BCS1L: variants seen among roughly 807,000 people sequenced by gnomAD.
BCS1L encodes mitochondrial chaperone BCS1.
Under a neutral mutation model 49.3 loss-of-function variants are expected in BCS1L, and 38 were observed. The observed-to-expected ratio is 0.77, with a 90% CI of 0.59 to 1.01. The LOEUF (loss-of-function observed/expected upper bound fraction) is 1.01. Among genes scored for constraint, BCS1L ranks in the 50% least tolerant of loss-of-function variants. BCS1L has a pLI of 0.00. For synonymous variants in BCS1L, 193 were observed against 210.1 expected (o/e 0.92, Z 0.70); for missense variants, 394 against 540.2 (o/e 0.73, Z 2.68).
At chr2:218,660,867 C>T in intron 1 of BCS1L, 72 bp from the exon 2 acceptor site, 1 of 1,116,564 alleles carries the variant, frequency 9.0e-7, no homozygotes, top group Non-Finnish European at 1.3e-6. Flanking sequence ...TAATGCTGAC[C>T]TGTGGCCAGG....
Position 218,663,295 on chromosome 2 carries a change from A to G in BCS1L, c.1169A>G (p.Gln390Arg). The change falls in exon 8 of 8, where the codon CAG (glutamine) becomes CGG (arginine). Residue 390 changes from glutamine (Q) to arginine (R), a missense_variant. Coordinates refer to ENST00000359273, the MANE Select transcript of BCS1L (RefSeq NM_001079866.2). ...FAEHVLRATN[Q>R]ISPAQVQGYF... ...GAACATGTCCTTCGAGCTACAAACC[A>G]GATCAGTCCTGCCCAGGTGCAGGGC... The G allele has an allele frequency of 6.2e-7, 1 of 1,614,240 alleles. No individual in the cohort carries two copies. The highest frequency in any genetic ancestry group is 8.5e-7 in the Non-Finnish European group (1 of 1,180,040).
rs1395368389 is a variant in BCS1L, at chr2:218,661,847, C to G, written c.549C>G (p.Arg183=). Residue 183 remains arginine, a synonymous_variant, in exon 4 of 8, where the codon CGC becomes CGG. Transcript: ENST00000359273. This position sits in a 1 kb window ranked among gnomAD's most constrained non-coding sequence, Gnocchi z 5.9. ...GSEWRPFGYP[R]RRRPLNSVVL... ...AATGGCGTCCCTTTGGCTATCCACG[C>G]CGCCGGCGACCACTGAATTCTGTGG... 6.2e-7 allele frequency: 1 copy of G among 1,614,094 alleles called. No individual in the cohort carries two copies. The highest frequency in any genetic ancestry group is 8.5e-7 in the Non-Finnish European group (1 of 1,180,044).
chr2:218,662,574 T>C lies in BCS1L; in HGVS notation c.784T>C (p.Ser262Pro). The change falls in exon 6 of 8, where the codon TCT (serine) becomes CCT (proline). Residue 262 changes from serine (S) to proline (P), a missense_variant. Ser to Pro is a moderately conservative substitution (Grantham distance 74). Coordinates refer to ENST00000359273, the MANE Select transcript of BCS1L (RefSeq NM_001079866.2). The surrounding 1 kb of genome is among the most constrained non-coding windows in gnomAD (Gnocchi z 5.8). ...GCTGAGCCTCACGGACTCCAGCCTC[T>C]CTGATGACCGACTCAACCACCTGCT... ...CLLSLTDSSLSDDRLNHLLSV... is the reference protein window; with the variant it reads ...CLLSLTDSSLPDDRLNHLLSV... 1.9e-6 allele frequency: 3 copies of C among 1,614,208 alleles called. No homozygotes were observed. Among genetic ancestry groups the C allele is most frequent in the Non-Finnish European group, 2.5e-6 (3 of 1,180,052 alleles).
At position 218,660,945 on chromosome 2, in the gene BCS1L, G is replaced by GT. The variant is rs1939317381; in HGVS notation, c.-42dup. 8.1e-6 allele frequency: 13 copies of GT among 1,606,682 alleles called. No homozygotes were observed. The highest frequency in any genetic ancestry group is 1.3e-5 in the African/African-American group (1 of 74,914). On this transcript the variant is annotated 5_prime_UTR_variant, in exon 2 of 8. Transcript: ENST00000359273. Reference sequence around the variant, plus strand: ...CACTGTTCCCCACCCCTAGGTTTTCGTAACACCCCAGGGCCTGTAAGGTTT... The same window carrying GT: ...CACTGTTCCCCACCCCTAGGTTTTCGTTAACACCCCAGGGCCTGTAAGGTTT...
chr2:218,662,933 A>C lies in BCS1L; in HGVS notation c.940A>C (p.Asn314His), dbSNP rs752921674. 6.2e-7 allele frequency: 1 copy of C among 1,614,076 alleles called. No individual in the cohort carries two copies. Among genetic ancestry groups the C allele is most frequent in the Non-Finnish European group, 8.5e-7 (1 of 1,180,010 alleles). ...TCGCCTCACCTTCAGTGGACTGCTCAATGCCTTGGATGGTGTGGCTTCCAC... is the reference window on the plus strand; with the variant it reads ...TCGCCTCACCTTCAGTGGACTGCTCCATGCCTTGGATGGTGTGGCTTCCAC... The part of the protein sequence containing the change: ...LGRLTFSGLL[N>H]ALDGVASTEA... The change falls in exon 7 of 8, where the codon AAT becomes CAT. Residue 314 changes from asparagine (N) to histidine (H), a missense_variant. Physicochemically the swap from Asn to His is moderately conservative, Grantham distance 68. Transcript: ENST00000359273. The surrounding 1 kb of genome is among the most constrained non-coding windows in gnomAD (Gnocchi z 5.8).
Position 218,662,605 on chromosome 2 carries a change from TG to T in BCS1L, c.817del (p.Ala273ProfsTer27). 6.2e-7 allele frequency: 1 copy of T among 1,614,182 alleles called. No individual in the cohort carries two copies. The highest frequency in any genetic ancestry group is 8.5e-7 in the Non-Finnish European group (1 of 1,180,028). Reference protein sequence around the residue: ...SDDRLNHLLSVAPQQSLVLLE... With the variant: ...SDDRLNHLLSXAPQQSLVLLE... ...GACCGACTCAACCACCTGCTGAGCG[TG>T]GCCCCGCAGCAGAGCCTGGTACTCC... is the stretch of plus-strand genomic sequence containing the variant. On this transcript the variant is annotated frameshift_variant, in exon 6 of 8. Transcript: ENST00000359273. LOFTEE classifies it high-confidence loss of function. The surrounding 1 kb of genome is among the most constrained non-coding windows in gnomAD (Gnocchi z 5.8).
Position 218,661,605 on chromosome 2 carries a change from C to G in BCS1L, c.460+60C>G. 1 of 1,606,134 alleles carries G rather than the reference C, an allele frequency of 6.2e-7. No individual in the cohort carries two copies. The highest frequency in any genetic ancestry group is 8.5e-7 in the Non-Finnish European group (1 of 1,176,292). On this transcript the variant is annotated intron_variant, in intron 3 of 7. Coordinates refer to ENST00000359273, the MANE Select transcript of BCS1L (RefSeq NM_001079866.2). The surrounding 1 kb of genome is among the most constrained non-coding windows in gnomAD (Gnocchi z 5.9). ...TTGCAGGGATGGGGACATTTGACATCAGATGAGCAGTTTGGAGAAGTGGAA... is the reference window on the plus strand; with the variant it reads ...TTGCAGGGATGGGGACATTTGACATGAGATGAGCAGTTTGGAGAAGTGGAA...
At position 218,663,443 on chromosome 2, in the gene BCS1L, A is replaced by G. The variant is rs1939709665; in HGVS notation, c.*57A>G. 6.2e-6 allele frequency: 10 copies of G among 1,607,722 alleles called. No homozygotes were observed. The highest frequency in any genetic ancestry group is 1.7e-5 in the Admixed American group (1 of 59,914). On this transcript the variant is annotated 3_prime_UTR_variant, in exon 8 of 8. Coordinates refer to ENST00000359273, the MANE Select transcript of BCS1L (RefSeq NM_001079866.2). ...TAGCTCAATAAACATCTGCCACACT[A>G]CTCTGCTCTCTCATCTCCCTTCATC... is the stretch of plus-strand genomic sequence containing the variant.
Position 218,662,388 on chromosome 2 carries a change from T to G in BCS1L, c.720-122T>G. 6.7e-7 allele frequency: 1 copy of G among 1,488,968 alleles called. No homozygotes were observed. Among genetic ancestry groups the G allele is most frequent in the South Asian group, 1.1e-5 (1 of 88,264 alleles). The allele number at this position is 1,488,968 out of a possible 1,614,324, so 92.2% of individuals were successfully genotyped here. On this transcript the variant is annotated intron_variant, in intron 5 of 7. Coordinates refer to ENST00000359273, the MANE Select transcript of BCS1L (RefSeq NM_001079866.2). This position sits in a 1 kb window ranked among gnomAD's most constrained non-coding sequence, Gnocchi z 5.8. ...GGATAAACATGAAACGTGTGGAACA[T>G]CAGGGTGTGAGGTAGAAGTCAGGCC...
rs1327548801 is a variant in BCS1L, at chr2:218,663,320, C to CTG, written c.1195_1196insGT (p.Tyr399CysfsTer11). On this transcript the variant is annotated frameshift_variant, in exon 8 of 8. Transcript: ENST00000359273. LOFTEE classifies it high-confidence loss of function. ...AGATCAGTCCTGCCCAGGTGCAGGG[C>CTG]TACTTCATGCTGTATAAAAATGACC... is the stretch of plus-strand genomic sequence containing the variant. The CTG allele has an allele frequency of 1.2e-6, 2 of 1,614,044 alleles. No homozygotes were observed. Among genetic ancestry groups the CTG allele is most frequent in the African/African-American group, 2.7e-5 (2 of 74,928 alleles).
chr2:218,661,883 G>C lies in BCS1L; in HGVS notation c.585G>C (p.Gln195His), dbSNP rs771252024. ...RRPLNSVVLQ[Q>H]GLADRIVRDV... ...CACTGAATTCTGTGGTTCTACAACAGGGTCTGGCTGACCGAATTGTCAGAG... is the reference window on the plus strand; with the variant it reads ...CACTGAATTCTGTGGTTCTACAACACGGTCTGGCTGACCGAATTGTCAGAG... Residue 195 changes from glutamine to histidine, a missense_variant, in exon 4 of 8, where the codon CAG becomes CAC. Physicochemically the swap from Gln to His is conservative, Grantham distance 24. Transcript: ENST00000359273. The surrounding 1 kb of genome is among the most constrained non-coding windows in gnomAD (Gnocchi z 5.9). 6.8e-6 allele frequency: 11 copies of C among 1,614,102 alleles called. No homozygotes were observed. The African/African-American group carries it at 1.1e-4, about 16-fold the overall frequency.
chr2:218,663,042 ACC>A (rs1291909279), intron 7 of BCS1L, 42 bp downstream of exon 7: 8 of 1,613,264 alleles, frequency 5.0e-6, no homozygotes, highest in Non-Finnish European at 6.8e-6. Context: ...GCAAGAGCCC[ACC>A]TCCTCCCCTA....
chr2:218,662,389 C>A lies in BCS1L; in HGVS notation c.720-121C>A. The A allele has an allele frequency of 6.7e-7, 1 of 1,488,804 alleles. No individual in the cohort carries two copies. Among genetic ancestry groups the A allele is most frequent in the Non-Finnish European group, 9.3e-7 (1 of 1,069,750 alleles). The allele number at this position is 1,488,804 out of a possible 1,614,324, so 92.2% of individuals were successfully genotyped here. On this transcript the variant is annotated intron_variant, in intron 5 of 7. Transcript: ENST00000359273. This position sits in a 1 kb window ranked among gnomAD's most constrained non-coding sequence, Gnocchi z 5.8. ...GATAAACATGAAACGTGTGGAACAT[C>A]AGGGTGTGAGGTAGAAGTCAGGCCT...
In BCS1L at chr2:218,661,023, C is replaced by G; in HGVS notation, c.36C>G (p.Asp12Glu). Residue 12 changes from aspartate to glutamate, a missense_variant, in exon 2 of 8, where the codon GAC (aspartate) becomes GAG (glutamate). Physicochemically the swap from Asp to Glu is conservative, Grantham distance 45. Transcript: ENST00000359273. This position sits in a 1 kb window ranked among gnomAD's most constrained non-coding sequence, Gnocchi z 5.9. ...PLSDFILALK[D>E]NPYFGAGFGL... is the part of the protein sequence containing the mutation. Reference sequence around the variant, plus strand: ...CAGACTTTATTCTGGCTCTGAAGGACAATCCCTACTTTGGGGCTGGATTTG... The same window carrying G: ...CAGACTTTATTCTGGCTCTGAAGGAGAATCCCTACTTTGGGGCTGGATTTG... 6.2e-7 allele frequency: 1 copy of G among 1,614,100 alleles called. No individual in the cohort carries two copies. The highest frequency in any genetic ancestry group is 8.5e-7 in the Non-Finnish European group (1 of 1,180,052).
In BCS1L at chr2:218,661,488, G is replaced by A; in HGVS notation, c.403G>A (p.Val135Ile). The A allele has an allele frequency of 1.2e-6, 2 of 1,614,210 alleles. No individual in the cohort carries two copies. The highest frequency in any genetic ancestry group is 1.1e-5 in the South Asian group (1 of 91,086). ...DLQTGTPWESVTFTALGTDRK... is the reference protein window; with the variant it reads ...DLQTGTPWESITFTALGTDRK... Reference sequence around the variant, plus strand: ...GCAGACGGGGACTCCTTGGGAATCTGTCACCTTCACGGCCCTGGGCACTGA... The same window carrying A: ...GCAGACGGGGACTCCTTGGGAATCTATCACCTTCACGGCCCTGGGCACTGA... The change falls in exon 3 of 8, where the codon GTC (valine) becomes ATC (isoleucine). Residue 135 changes from valine (V) to isoleucine (I), a missense_variant. Physicochemically the swap from Val to Ile is conservative, Grantham distance 29. Transcript: ENST00000359273. This position sits in a 1 kb window ranked among gnomAD's most constrained non-coding sequence, Gnocchi z 5.9.
chr2:218,663,373 C>G lies in BCS1L; in HGVS notation c.1247C>G (p.Ser416Cys). The change falls in exon 8 of 8, where the codon TCT (serine) becomes TGT (cysteine). Residue 416 changes from serine (S) to cysteine (C), a missense_variant. Physicochemically the swap from Ser to Cys is moderately radical, Grantham distance 112. Coordinates refer to ENST00000359273, the MANE Select transcript of BCS1L (RefSeq NM_001079866.2). Reference protein sequence around the residue: ...DPVGAIHNAESLRR With the variant: ...DPVGAIHNAECLRR The stretch of plus-strand genomic sequence containing the variant: ...GTAGGGGCAATTCACAATGCTGAGT[C>G]TCTGAGGAGGTGATCAGGCTGGGCT... 1 of 1,614,122 alleles carries G rather than the reference C, an allele frequency of 6.2e-7. No individual in the cohort carries two copies. The highest frequency in any genetic ancestry group is 8.5e-7 in the Non-Finnish European group (1 of 1,180,034).
Position 218,662,132 on chromosome 2 carries a change from G to C in BCS1L, c.656-65G>C. On this transcript the variant is annotated intron_variant, in intron 4 of 7. Transcript: ENST00000359273. The surrounding 1 kb of genome is among the most constrained non-coding windows in gnomAD (Gnocchi z 5.8). Reference sequence around the variant, plus strand: ...ACCAAGGTTATCAGGCTTCCAGGGGGCAGGGCTGGGAATGAACGTAGATAT... The same window carrying C: ...ACCAAGGTTATCAGGCTTCCAGGGGCCAGGGCTGGGAATGAACGTAGATAT... 2 of 1,551,806 alleles carry C rather than the reference G, an allele frequency of 1.3e-6. No individual in the cohort carries two copies. The highest frequency in any genetic ancestry group is 2.2e-5 in the South Asian group (2 of 89,860).
chr2:218,660,432 A>AAT, intron 1 of BCS1L: 1 of 161,332 alleles, frequency 6.2e-6, no homozygotes, highest in Admixed American at 5.8e-5. Flanking sequence ...GTGAAGACCT[A>AAT]TTAAAATGCC....
Position 218,663,008 on chromosome 2 carries a change from G to A in BCS1L, c.1007+8G>A, listed in dbSNP as rs559519953. 6.2e-7 allele frequency: 1 copy of A among 1,613,954 alleles called. No homozygotes were observed. The highest frequency in any genetic ancestry group is 1.1e-5 in the South Asian group (1 of 91,052). On this transcript the variant is annotated splice_region_variant and intron_variant, in intron 7 of 7. Coordinates refer to ENST00000359273, the MANE Select transcript of BCS1L (RefSeq NM_001079866.2). ...CACCAACCACGTTGACAGGTAGGAA[G>A]GAGCCAGGCATCCTGAGACTTAGGC...
Sources: gnomAD v4.1 joint callset for allele counts on GRCh38, gnomAD v4.1.1 for gene constraint, Gnocchi (gnomAD v3.1) non-coding constraint, MANE v1.5 for transcripts, NCBI Gene and HGNC (gene_info 2026-07-23, HGNC 2026-07-21) for gene names.